Variants in TEX9 observed in about 807,000 individuals in gnomAD.
TEX9 encodes testis-expressed protein 9.
Under a neutral mutation model 59.6 loss-of-function variants are expected in TEX9, and 74 were observed. The observed-to-expected ratio is 1.24, with a 90% CI of 1.03 to 1.51. The LOEUF (loss-of-function observed/expected upper bound fraction) is 1.51. TEX9 is among the 40% of genes most tolerant of loss of function. The pLI is 0.00. For synonymous variants in TEX9, 186 were observed against 152.2 expected (o/e 1.22, Z -1.64); for missense variants, 522 against 447.8 (o/e 1.17, Z -1.49).
intron 4 of TEX9, among the ~76,000 whole-genome samples, chr15:56,384,711 G>A (rs1421102683): frequency 6.6e-6 from 1 of 152,162 alleles, no homozygotes; most frequent in Non-Finnish European, 1.5e-5. Flanking sequence ...ACTGATATTG[G>A]AGGCTGGAAA....
intron 1 of TEX9, among the ~76,000 whole-genome samples, chr15:56,277,484 A>AGATGTGTGGTGTTATT (rs1169359031): frequency 6.6e-6 from 1 of 152,120 alleles, no homozygotes; most frequent in Non-Finnish European, 1.5e-5. Flanking sequence ...AGATGGTTGT[A>AGATGTGTGGTGTTATT]GATGTGTGGT....
chr15:56,310,200 G>A (rs1259084791), intron 1 of TEX9, among the ~76,000 whole-genome samples: 6 of 152,156 alleles, frequency 3.9e-5, no homozygotes, highest in Non-Finnish European at 5.9e-5. Context: ...GGGAGGCTGA[G>A]GCAGTTGGAC....
At chr15:56,351,595 G>T (rs1191842374) in intron 1 of TEX9, among the ~76,000 whole-genome samples, 4 of 152,164 alleles carry the variant, frequency 2.6e-5, no homozygotes, top group Non-Finnish European at 5.9e-5. Context: ...AGCAGGAAAA[G>T]CCCTGAATGA....
At chr15:56,445,065 C>T (rs900725733) in intron 12 of TEX9, among the ~76,000 whole-genome samples, 4 of 152,020 alleles carry the variant, frequency 2.6e-5, no homozygotes, top group Non-Finnish European at 5.9e-5. Flanking sequence ...TGTTTATCAG[C>T]TGCTATTTAA....
At chr15:56,428,457 A>AGTTAGTCTCTATGACAGTAT in exon 12 of TEX9, 1 of 1,590,742 alleles carries the variant, frequency 6.3e-7, no homozygotes, top group South Asian at 1.1e-5. Flanking sequence ...GATCTACTTC[A>AGTTAGTCTCTATGACAGTAT]GTTAGTCTCT....
At chr15:56,343,253 G>C (rs1195694667) in intron 1 of TEX9, among the ~76,000 whole-genome samples, 1 of 152,066 alleles carries the variant, frequency 6.6e-6, no homozygotes, top group Non-Finnish European at 1.5e-5. Flanking sequence ...GTAGTACCTA[G>C]AGAAAATTGT....
At chr15:56,445,607 A>G (rs1400955103) in intron 12 of TEX9, 2 of 152,012 alleles carry the variant, frequency 1.3e-5, no homozygotes, top group Admixed American at 1.3e-4. Flanking sequence ...AAAAAATGAG[A>G]TGACAATAAC....
intron 1 of TEX9, among the ~76,000 whole-genome samples, chr15:56,337,901 A>C (rs2046288138): frequency 6.6e-6 from 1 of 152,174 alleles, no homozygotes; most frequent in African/African-American, 2.4e-5. Flanking sequence ...TGCTTAAATA[A>C]ACTCTTTAAA....
intron 1 of TEX9, among the ~76,000 whole-genome samples, chr15:56,291,261 A>T (rs1309215130): frequency 6.6e-6 from 1 of 152,174 alleles, no homozygotes; most frequent in Non-Finnish European, 1.5e-5. Flanking sequence ...GATGCTATTG[A>T]CCTTCATTAT....
intron 11 of TEX9, among the ~76,000 whole-genome samples, chr15:56,427,945 AAGTT>A (rs779110283): frequency 2.6e-5 from 4 of 152,126 alleles, no homozygotes; most frequent in African/African-American, 9.7e-5. Context: ...TCACATAAGT[AAGTT>A]AGTGTAGAAA....
intron 7 of TEX9, among the ~76,000 whole-genome samples, chr15:56,393,074 A>G (rs972470040): frequency 1.3e-5 from 2 of 152,204 alleles, no homozygotes; most frequent in African/African-American, 4.8e-5. Flanking sequence ...GCCTCCAGAC[A>G]TGGGAGCACT....
intron 12 of TEX9, chr15:56,444,351 G>A: frequency 9.8e-6 from 10 of 1,017,264 alleles, no homozygotes; most frequent in Non-Finnish European, 1.3e-5. Context: ...CTATGTATTA[G>A]GCACTGTTCT....
intron 1 of TEX9, among the ~76,000 whole-genome samples, chr15:56,261,425 A>G (rs955990914): frequency 2.0e-5 from 3 of 152,074 alleles, no homozygotes; most frequent in East Asian, 3.8e-4. Flanking sequence ...ATAATAATAT[A>G]ATAATTATTA....
chr15:56,374,751 T>C (rs2047353529), intron 3 of TEX9: 1 of 152,104 alleles, frequency 6.6e-6, no homozygotes, highest in African/African-American at 2.4e-5. Context: ...TCTATCTCCA[T>C]ATGTTAAGTT....
chr15:56,428,343 C>A, intron 11 of TEX9, 24 bp from the exon 12 acceptor site: 2 of 1,569,474 alleles, frequency 1.3e-6, no homozygotes, highest in Non-Finnish European at 1.8e-6. Flanking sequence ...CTAAATCAGA[C>A]AATATTGATT....
At chr15:56,324,241 T>A (rs2045968983) in intron 1 of TEX9, among the ~76,000 whole-genome samples, 1 of 152,122 alleles carries the variant, frequency 6.6e-6, no homozygotes, top group Non-Finnish European at 1.5e-5. Context: ...TAAATACAAT[T>A]TTTTATCCGT....
chr15:56,319,576 A>G (rs1017770577), intron 1 of TEX9, among the ~76,000 whole-genome samples: 3 of 152,112 alleles, frequency 2.0e-5, no homozygotes, highest in Non-Finnish European at 4.4e-5. Context: ...TGTTGATTTC[A>G]GTTTTAATGT....
At chr15:56,377,269 T>C (rs1229020521) in intron 3 of TEX9, among the ~76,000 whole-genome samples, 1 of 152,190 alleles carries the variant, frequency 6.6e-6, no homozygotes, top group Non-Finnish European at 1.5e-5. Flanking sequence ...AATTTTAGGA[T>C]TGTTTTTTCT....
intron 1 of TEX9, among the ~76,000 whole-genome samples, chr15:56,276,236 T>C (rs1463596048): frequency 6.6e-6 from 1 of 152,160 alleles, no homozygotes; most frequent in Non-Finnish European, 1.5e-5. Flanking sequence ...TAGGTATACA[T>C]GGGCCATGGT....
Sources: gnomAD v4.1 joint callset for allele counts (sites outside exome capture counted in the v4.1 genomes callset) on GRCh38, gnomAD v4.1.1 for gene constraint, MANE v1.5 for transcripts, NCBI Gene and HGNC (gene_info 2026-07-23, HGNC 2026-07-21) for gene names.